The following DAB1 variants were observed in gnomAD, a reference collection of about 807,000 sequenced individuals.
DAB1 encodes the protein DAB adaptor protein 1.
A neutral mutation model predicts 64.6 loss-of-function variants in DAB1; 15 were observed. That is an observed-to-expected ratio of 0.23 (90% CI 0.16 to 0.36). The LOEUF is 0.36. Among genes scored for constraint, DAB1 ranks in the 10% least tolerant of loss-of-function variants. DAB1 has a pLI of 1.00. For synonymous variants in DAB1, 235 were observed against 251.9 expected (o/e 0.93, Z 0.64); for missense variants, 596 against 706.7 (o/e 0.84, Z 1.78).
chr1:57,520,132 A>G (rs1036953748), intron 7 of DAB1, among the ~76,000 whole-genome samples: 1 of 152,226 alleles, frequency 6.6e-6, no homozygotes, highest in Non-Finnish European at 1.5e-5. Flanking sequence ...GCCACCTGTC[A>G]ACAGGATTTA....
intron 6 of DAB1, among the ~76,000 whole-genome samples, chr1:57,695,297 AAGG>A (rs1646814026): frequency 3.6e-5 from 2 of 55,916 alleles, no homozygotes; most frequent in Non-Finnish European, 3.2e-5. Flanking sequence ...AGGGAGAGAG[AAGG>A]AAAGAAAGAA....
chr1:57,625,022 A>C (rs979128661), intron 7 of DAB1, among the ~76,000 whole-genome samples: 1 of 152,150 alleles, frequency 6.6e-6, no homozygotes, highest in Non-Finnish European at 1.5e-5. Context: ...TTATAGGACG[A>C]AAAGTCAACA....
At chr1:58,109,552 A>C (rs1184671776) in intron 5 of DAB1, among the ~76,000 whole-genome samples, 1 of 152,098 alleles carries the variant, frequency 6.6e-6, no homozygotes, top group Non-Finnish European at 1.5e-5. Flanking sequence ...GCTCTAGCCC[A>C]GGTGTCATTC....
intron 7 of DAB1, among the ~76,000 whole-genome samples, chr1:57,628,491 G>A (rs746697101): frequency 1.3e-5 from 2 of 152,018 alleles, no homozygotes; most frequent in African/African-American, 4.8e-5. Flanking sequence ...TCACACATTC[G>A]CTGAGTGGCC....
intron 7 of DAB1, among the ~76,000 whole-genome samples, chr1:57,558,550 A>C (rs755393854): frequency 6.6e-6 from 1 of 152,184 alleles, no homozygotes; most frequent in African/African-American, 2.4e-5. Context: ...TTTCTAATTT[A>C]TATAAACAGA....
intron 7 of DAB1, among the ~76,000 whole-genome samples, chr1:57,511,759 C>T (rs1247865656): frequency 1.3e-5 from 2 of 151,964 alleles, no homozygotes; most frequent in Non-Finnish European, 2.9e-5. Flanking sequence ...ACATTTCCAT[C>T]TTCATCCCTC....
At chr1:58,118,519 CACAT>C (rs1369104422) in intron 5 of DAB1, among the ~76,000 whole-genome samples, 12 of 114,608 alleles carry the variant, frequency 1.0e-4, no homozygotes, top group African/African-American at 3.1e-4. Context: ...CACACACACA[CACAT>C]ATATATATAT....
At chr1:57,398,381 T>C (rs1024057345) in intron 1 of DAB1, among the ~76,000 whole-genome samples, 2 of 132,072 alleles carry the variant, frequency 1.5e-5, no homozygotes, top group Non-Finnish European at 3.5e-5. Context: ...TGATGGGGCA[T>C]TGAAAGATAA....
At chr1:57,966,091 T>C (rs557434947) in intron 5 of DAB1, among the ~76,000 whole-genome samples, 2 of 152,194 alleles carry the variant, frequency 1.3e-5, no homozygotes, top group African/African-American at 2.4e-5. Context: ...TAGCAGTGCA[T>C]ACAAAATGCA....
At chr1:58,074,564 G>GTGTATATATATATA (rs1332531604) in intron 5 of DAB1, 7 of 91,628 alleles carry the variant, frequency 7.6e-5, no homozygotes, top group African/African-American at 3.1e-4. Context: ...ATATATGTGT[G>GTGTATATATATATA]TATATATATA....
At chr1:57,630,223 C>T (rs1645972156) in intron 7 of DAB1, among the ~76,000 whole-genome samples, 1 of 152,108 alleles carries the variant, frequency 6.6e-6, no homozygotes, top group South Asian at 2.1e-4. Context: ...CTTCGGATTT[C>T]AATTGTCTTA....
Position 58,440,235 on chromosome 1 carries a change from G to A in DAB1, n.257+65825C>T, listed in dbSNP as rs577528075. On this transcript the variant is annotated intron_variant and non_coding_transcript_variant, in intron 3 of 20. Coordinates refer to the DAB1 transcript ENST00000485760. ...CCCTCTGCCTGCCTCTGCAGCTTAC[G>A]CACTGCTTGGATTTGTGTAGTCATT... Among the ~76,000 whole-genome samples the A allele has an allele frequency of 3.3e-5, 5 of 152,310 alleles. No individual in the cohort carries two copies. In the East Asian group the frequency reaches 7.7e-4, roughly 23 times the overall value.
intron 3 of DAB1, chr1:58,480,867 C>CTTTT: frequency 1.6e-6 from 1 of 610,550 alleles, no homozygotes; most frequent in Non-Finnish European, 2.7e-6. Flanking sequence ...CCTGAATATC[C>CTTTT]TTTTTTTTTT....
chr1:58,160,703 A>G (rs942809848), intron 4 of DAB1, among the ~76,000 whole-genome samples: 4 of 152,338 alleles, frequency 2.6e-5, no homozygotes, highest in East Asian at 3.9e-4. Flanking sequence ...TCACTTTGTT[A>G]TAACATGGGT....
chr1:57,071,386 C>A, intron 6 of DAB1, 136 bp downstream of exon 6: 1 of 1,031,222 alleles, frequency 9.7e-7, no homozygotes, highest in East Asian at 2.5e-5. Flanking sequence ...TGCTTTGGGT[C>A]CTGTAATTTA....
chr1:56,995,332 T>C lies in DAB1; in HGVS notation c.*2812A>G, dbSNP rs1645577991. The stretch of plus-strand genomic sequence containing the variant: ...CTTTTGGTATTGGCACCTCAGCTCT[T>C]GCTTGGAAATTTCACTGTACTCCTG... On this transcript the variant is annotated 3_prime_UTR_variant, in exon 15 of 15. Coordinates refer to ENST00000371236, the MANE Select transcript of DAB1 (RefSeq NM_001365792.1). The C allele has an allele frequency of 6.6e-6, 1 of 152,248 alleles. No homozygotes were observed. Among genetic ancestry groups the C allele is most frequent in the Non-Finnish European group, 1.5e-5 (1 of 68,062 alleles). The allele number at this position is 152,248 out of a possible 1,614,324, so 9.4% of individuals were successfully genotyped here.
At chr1:57,430,658 A>G (rs1450338241) in intron 7 of DAB1, among the ~76,000 whole-genome samples, 1 of 152,036 alleles carries the variant, frequency 6.6e-6, no homozygotes, top group Non-Finnish European at 1.5e-5. Context: ...TACAGTTAAT[A>G]CAATTTTTAA....
intron 2 of DAB1, among the ~76,000 whole-genome samples, chr1:57,271,609 C>T (rs1045120994): frequency 1.3e-5 from 2 of 152,188 alleles, no homozygotes; most frequent in Non-Finnish European, 2.9e-5. Flanking sequence ...GAGAGACAGA[C>T]ATAGGGATGA....
intron 3 of DAB1, among the ~76,000 whole-genome samples, chr1:58,491,297 C>A (rs566086253): frequency 1.2e-4 from 18 of 152,262 alleles, no homozygotes; most frequent in African/African-American, 4.3e-4. Context: ...CCGGTACCAG[C>A]CGCAGCAAAA....
Sources: gnomAD v4.1 joint callset for allele counts (sites outside exome capture counted in the v4.1 genomes callset) on GRCh38, gnomAD v4.1.1 for gene constraint, MANE v1.5 for transcripts, NCBI Gene and HGNC (gene_info 2026-07-23, HGNC 2026-07-21) for gene names.